The following SLC16A2 variants were observed in gnomAD, a reference collection of about 807,000 sequenced individuals.
SLC16A2 encodes the protein solute carrier family 16 member 2, also known as monocarboxylate transporter 8.
SLC16A2 carries 3 observed loss-of-function variants against 27.2 expected under a neutral mutation model. The ratio of observed to expected loss-of-function variants is 0.11; its 90% CI spans 0.05 to 0.28. The LOEUF is 0.28. Among genes scored for constraint, SLC16A2 ranks in the 10% least tolerant of loss-of-function variants. The pLI is 1.00. For synonymous variants in SLC16A2, 202 were observed against 187.8 expected (o/e 1.08, Z -0.62); for missense variants, 295 against 458.5 (o/e 0.64, Z 3.26).
chrX:74,507,094 G>A (rs1036334019), intron 1 of SLC16A2, among the ~76,000 whole-genome samples: 3 of 107,543 alleles, frequency 2.8e-5, no homozygotes, highest in Non-Finnish European at 3.8e-5. Flanking sequence ...CTACAGGCCC[G>A]TGCCACCACA....
At chrX:74,471,740 C>T (rs910567042) in intron 1 of SLC16A2, among the ~76,000 whole-genome samples, 1 of 111,515 alleles carries the variant, frequency 9.0e-6, no homozygotes, top group Non-Finnish European at 1.9e-5. Context: ...GCAACTATCA[C>T]CACCATCCAT....
At chrX:74,476,229 T>C (rs1929474178) in intron 1 of SLC16A2, among the ~76,000 whole-genome samples, 2 of 112,034 alleles carry the variant, frequency 1.8e-5, no homozygotes, top group South Asian at 7.4e-4. Flanking sequence ...AGGTATTTTA[T>C]TCTCTTTGAA....
At chrX:74,477,517 T>C (rs1207258627) in intron 1 of SLC16A2, among the ~76,000 whole-genome samples, 1 of 111,894 alleles carries the variant, frequency 8.9e-6, no homozygotes, top group Non-Finnish European at 1.9e-5. Context: ...TCTTGCCTTC[T>C]GCTAGCTTTT....
At chrX:74,498,750 G>A (rs917699097) in intron 1 of SLC16A2, among the ~76,000 whole-genome samples, 5 of 111,874 alleles carry the variant, frequency 4.5e-5, no homozygotes, top group East Asian at 2.8e-4. Context: ...CCCATTGTTC[G>A]GGTTTCTGGG....
At chrX:74,491,571 C>T (rs1037063604) in intron 1 of SLC16A2, among the ~76,000 whole-genome samples, 3 of 111,780 alleles carry the variant, frequency 2.7e-5, no homozygotes, top group African/African-American at 9.8e-5. Context: ...GAGGCATGTT[C>T]GACTCCCACT....
chrX:74,531,403 G>A lies in SLC16A2; in HGVS notation c.1470G>A (p.Gly490=), dbSNP rs777634255. ...TTGCCGGTGTGCCCCCCATCATCGGGGCTGTAATCCTCTTCTTCGTCCCTC... is the reference window on the plus strand; with the variant it reads ...TTGCCGGTGTGCCCCCCATCATCGGAGCTGTAATCCTCTTCTTCGTCCCTC... The part of the protein sequence containing the change: ...FYFAGVPPII[G]AVILFFVPLM... Residue 490 remains glycine (G), a synonymous_variant, in exon 6 of 6, where the codon GGG becomes GGA. Transcript: ENST00000587091. The A allele has an allele frequency of 8.3e-6, 10 of 1,209,831 alleles. No individual in the cohort carries two copies. The Admixed American group carries it at 2.2e-4, about 26-fold the overall frequency.
At chrX:74,451,526 A>C in intron 1 of SLC16A2, among the ~76,000 whole-genome samples, 1 of 112,522 alleles carries the variant, frequency 8.9e-6, no homozygotes, top group Middle Eastern at 4.6e-3. Flanking sequence ...GGTTACTTTC[A>C]ATGTTTTATT....
rs764747903 is a variant in SLC16A2 at position 74,531,382 on chromosome X, C to T, written c.1449C>T (p.Ala483=). The part of the protein sequence containing the change: ...FGDYHVAFYF[A]GVPPIIGAVI... ...ACTACCATGTGGCCTTCTACTTTGC[C>T]GGTGTGCCCCCCATCATCGGGGCTG... is the stretch of plus-strand genomic sequence containing the variant. The change falls in exon 6 of 6, where the codon GCC becomes GCT. Residue 483 remains alanine, a synonymous_variant. Coordinates refer to ENST00000587091, the MANE Select transcript of SLC16A2 (RefSeq NM_006517.5). The T allele has an allele frequency of 7.8e-5, 95 of 1,210,377 alleles. No individual in the cohort carries two copies. The highest frequency in any genetic ancestry group is 9.6e-5 in the Non-Finnish European group (86 of 895,112).
intron 1 of SLC16A2, among the ~76,000 whole-genome samples, chrX:74,470,288 G>A (rs1929330766): frequency 8.9e-6 from 1 of 112,286 alleles, no homozygotes; most frequent in South Asian, 3.7e-4. Context: ...TAATGTGCAG[G>A]GTTTTTTTGT....
chrX:74,519,021 A>G (rs1930360751), intron 1 of SLC16A2, among the ~76,000 whole-genome samples: 1 of 112,186 alleles, frequency 8.9e-6, no homozygotes, highest in Non-Finnish European at 1.9e-5. Flanking sequence ...ATCTTTGCCT[A>G]ACCAAAGGCC....
At chrX:74,429,629 G>A (rs1332830494) in intron 1 of SLC16A2, among the ~76,000 whole-genome samples, 1 of 111,903 alleles carries the variant, frequency 8.9e-6, no homozygotes, top group Admixed American at 9.5e-5. Flanking sequence ...CTTAACCCAT[G>A]GATCTCCTCA....
chrX:74,468,727 T>A (rs60502356), intron 1 of SLC16A2, among the ~76,000 whole-genome samples: 19,356 of 111,379 alleles, frequency 0.17, 1,299 homozygotes, highest in South Asian at 0.42. Context: ...ATTTATGGGG[T>A]ACATGTGATA....
chrX:74,423,670 G>C (rs1928354440), intron 1 of SLC16A2, among the ~76,000 whole-genome samples: 1 of 111,982 alleles, frequency 8.9e-6, no homozygotes, highest in South Asian at 3.7e-4. Context: ...CGGGGAAGAT[G>C]GCTGCCACAG....
intron 1 of SLC16A2, among the ~76,000 whole-genome samples, chrX:74,469,792 G>T (rs1929320664): frequency 9.0e-6 from 1 of 110,962 alleles, no homozygotes; most frequent in Non-Finnish European, 1.9e-5. Context: ...CACCAGAATA[G>T]TACTTTTATT....
intron 1 of SLC16A2, among the ~76,000 whole-genome samples, chrX:74,427,796 C>T (rs988809385): frequency 1.1e-4 from 9 of 83,321 alleles, no homozygotes; most frequent in East Asian, 1.6e-3. Context: ...CGCATGCGCA[C>T]GCGTGCACGC....
At chrX:74,517,781 G>C (rs988490668) in intron 1 of SLC16A2, among the ~76,000 whole-genome samples, 1 of 111,682 alleles carries the variant, frequency 9.0e-6, no homozygotes, top group African/African-American at 3.3e-5. Flanking sequence ...GTTTCTTCAT[G>C]TCCCTCTGTA....
intron 1 of SLC16A2, among the ~76,000 whole-genome samples, chrX:74,477,986 G>A (rs759767870): frequency 1.5e-4 from 17 of 112,285 alleles, no homozygotes; most frequent in African/African-American, 5.2e-4. Flanking sequence ...GGAGAGTTCT[G>A]TAGATGTCTA....
chrX:74,511,321 A>G (rs1351107167), intron 1 of SLC16A2, among the ~76,000 whole-genome samples: 1 of 110,516 alleles, frequency 9.0e-6, no homozygotes, highest in Non-Finnish European at 1.9e-5. Context: ...AGCTGGGACT[A>G]TAGGCACCCG....
intron 1 of SLC16A2, among the ~76,000 whole-genome samples, chrX:74,452,639 C>T (rs1177879712): frequency 3.6e-5 from 4 of 110,991 alleles, no homozygotes; most frequent in Admixed American, 9.6e-5. Context: ...TTTTACATCA[C>T]GACACATATG....
Sources: gnomAD v4.1 joint callset for allele counts (sites outside exome capture counted in the v4.1 genomes callset) on GRCh38, gnomAD v4.1.1 for gene constraint, MANE v1.5 for transcripts, NCBI Gene and HGNC (gene_info 2026-07-23, HGNC 2026-07-21) for gene names.